PTPN13: variants seen among roughly 807,000 people sequenced by gnomAD.
PTPN13 encodes the protein tyrosine-protein phosphatase non-receptor type 13.
PTPN13 carries 191 observed loss-of-function variants against 284.0 expected under a neutral mutation model. That is an observed-to-expected ratio of 0.67 (90% CI 0.60 to 0.76). PTPN13 has a LOEUF of 0.76. Ranked by LOEUF, PTPN13 falls within the 30% of genes least tolerant of loss-of-function variation. The pLI is 0.00. For missense variants in PTPN13, 2,797 were observed against 2,939.9 expected, an observed-to-expected ratio of 0.95 and a Z score of 1.12; for synonymous variants, 986 against 1,022.3, an observed-to-expected ratio of 0.96 and a Z score of 0.68.
intron 6 of PTPN13, among the ~76,000 whole-genome samples, chr4:86,695,717 G>A (rs77353949): frequency 6.8e-6 from 1 of 147,858 alleles, no homozygotes; most frequent in Middle Eastern, 3.2e-3. Flanking sequence ...ATTTCTCTTT[G>A]TTATTCTTTC....
intron 20 of PTPN13, 134 bp from the exon 21 acceptor site, chr4:86,758,126 C>A: frequency 1.9e-6 from 1 of 528,734 alleles, no homozygotes; most frequent in African/African-American, 1.9e-5. Context: ...TTAACAGTAT[C>A]AGTAAACTTA....
In PTPN13 at chr4:86,732,452, T is replaced by C. The variant is rs572136372; in HGVS notation, c.1661T>C (p.Leu554Ser). The change falls in exon 11 of 48, where the codon TTG becomes TCG. Residue 554 changes from leucine (L) to serine (S), a missense_variant. Coordinates refer to ENST00000411767, the MANE Select transcript of PTPN13 (RefSeq NM_080683.3). ...VKMTIEPFIS[L>S]DLPRSILTKK... Reference sequence around the variant, plus strand: ...ATGACAATTGAACCATTTATATCTTTGGATTTGCCACGGTCTATTCTTGTA... The same window carrying C: ...ATGACAATTGAACCATTTATATCTTCGGATTTGCCACGGTCTATTCTTGTA... 13 of 1,602,338 alleles carry C rather than the reference T, an allele frequency of 8.1e-6. No individual in the cohort carries two copies. The highest frequency in any genetic ancestry group is 1.7e-5 in the Admixed American group (1 of 58,608).
chr4:86,745,896 A>G lies in PTPN13; in HGVS notation c.2650+768A>G, dbSNP rs78836411. ...GACAGGTGGCACTTGAATTGGATATAAAGGATAAAAATAATGCAAGTAGTT... is the reference window on the plus strand; with the variant it reads ...GACAGGTGGCACTTGAATTGGATATGAAGGATAAAAATAATGCAAGTAGTT... On this transcript the variant is annotated intron_variant, in intron 17 of 47. Transcript: ENST00000411767. Among the ~76,000 whole-genome samples the G allele has an allele frequency of 2.8e-4, 42 of 152,300 alleles. No homozygotes were observed. In the East Asian group the frequency reaches 5.8e-3, roughly 21 times the overall value.
chr4:86,655,335 A>G (rs946271142), intron 2 of PTPN13, among the ~76,000 whole-genome samples: 3 of 152,128 alleles, frequency 2.0e-5, no homozygotes, highest in Admixed American at 1.3e-4. Flanking sequence ...TCTTCCTAGC[A>G]TCGATGGTCT....
chr4:86,649,701 G>C (rs894673897), intron 2 of PTPN13, among the ~76,000 whole-genome samples: 1 of 152,006 alleles, frequency 6.6e-6, no homozygotes, highest in African/African-American at 2.4e-5. Context: ...GATTGCTCTG[G>C]CTATTCTGGG....
At chr4:86,605,610 A>T (rs777495450) in intron 1 of PTPN13, among the ~76,000 whole-genome samples, 1 of 151,916 alleles carries the variant, frequency 6.6e-6, no homozygotes, top group Non-Finnish European at 1.5e-5. Context: ...ATGTGGGCCT[A>T]TTGATGAATA....
intron 1 of PTPN13, among the ~76,000 whole-genome samples, chr4:86,619,880 T>G (rs540057624): frequency 1.3e-5 from 2 of 152,126 alleles, no homozygotes; most frequent in South Asian, 4.2e-4. Flanking sequence ...TAGAGACATG[T>G]CCCAAGCTTG....
chr4:86,722,291 C>A lies in PTPN13; in HGVS notation c.1465C>A (p.Gln489Lys), dbSNP rs774225639. ...MLKRQEEELM[Q>K]LQAKMALRQS... ...AAAACGGCAAGAGGAAGAACTGATG[C>A]AGCTACAAGCCAAAATGGCCCTTAG... is the stretch of plus-strand genomic sequence containing the variant. Residue 489 changes from glutamine to lysine, a missense_variant, in exon 10 of 48, where the codon CAG becomes AAG. Coordinates refer to ENST00000411767, the MANE Select transcript of PTPN13 (RefSeq NM_080683.3). 6.2e-7 allele frequency: 1 copy of A among 1,613,738 alleles called. No homozygotes were observed. The highest frequency in any genetic ancestry group is 2.2e-5 in the East Asian group (1 of 44,874).
At chr4:86,708,298 A>C (rs1256423054) in intron 7 of PTPN13, among the ~76,000 whole-genome samples, 1 of 152,036 alleles carries the variant, frequency 6.6e-6, no homozygotes, top group Non-Finnish European at 1.5e-5. Flanking sequence ...TGGCTTTAGA[A>C]CCATTTGGGA....
Position 86,762,938 on chromosome 4 carries a change from C to A in PTPN13, c.3765C>A (p.Ser1255Arg). ...SSQDSRTESA[S>R]LSQSQVNGFF... ...AAGATTCCAGGACTGAGAGTGCCAG[C>A]TTGTCTCAAAGCCAGGTCAATGGTT... Residue 1255 changes from serine to arginine, a missense_variant, in exon 24 of 48, where the codon AGC becomes AGA. Transcript: ENST00000411767. The A allele has an allele frequency of 6.2e-7, 1 of 1,613,922 alleles. No homozygotes were observed.
Position 86,609,654 on chromosome 4 carries a change from T to C in PTPN13, c.-6+14865T>C, listed in dbSNP as rs1204656125. Among the ~76,000 whole-genome samples, 6 of 152,194 alleles carry C rather than the reference T, an allele frequency of 3.9e-5. No homozygotes were observed. In the South Asian group the frequency reaches 6.2e-4, roughly 16 times the overall value. ...TTATTTTTTCTGCTTTTCTTTTTTT[T>C]CCTCAGATTACCTCATTAGTCAAAC... On this transcript the variant is annotated intron_variant, in intron 1 of 47. Transcript: ENST00000411767.
At chr4:86,797,508 A>G (rs1340579817) in intron 41 of PTPN13, among the ~76,000 whole-genome samples, 3 of 152,016 alleles carry the variant, frequency 2.0e-5, no homozygotes, top group African/African-American at 4.8e-5. Context: ...AAAAAGAAAG[A>G]AAAAAAGTTT....
intron 2 of PTPN13, among the ~76,000 whole-genome samples, chr4:86,646,324 A>T (rs1023822251): frequency 6.7e-6 from 1 of 148,336 alleles, no homozygotes. Flanking sequence ...TAAAGACAGA[A>T]TCTCCCTCTG....
At chr4:86,705,828 TAA>T (rs1178952087) in intron 7 of PTPN13, among the ~76,000 whole-genome samples, 2 of 143,464 alleles carry the variant, frequency 1.4e-5, no homozygotes, top group African/African-American at 2.6e-5. Flanking sequence ...ACATGTGACT[TAA>T]AAAAAAAAAA....
At chr4:86,725,091 G>C (rs1049887002) in intron 10 of PTPN13, among the ~76,000 whole-genome samples, 2 of 151,452 alleles carry the variant, frequency 1.3e-5, no homozygotes, top group African/African-American at 2.4e-5. Context: ...CCTTGTGATA[G>C]TTTGCTTAGA....
intron 2 of PTPN13, among the ~76,000 whole-genome samples, chr4:86,667,227 G>A (rs535470678): frequency 7.2e-5 from 11 of 152,238 alleles, no homozygotes; most frequent in South Asian, 6.2e-4. Flanking sequence ...AAAGTTCATA[G>A]GAGTTTAGTA....
intron 15 of PTPN13, among the ~76,000 whole-genome samples, chr4:86,739,264 A>G (rs1309440414): frequency 6.6e-6 from 1 of 152,182 alleles, no homozygotes; most frequent in African/African-American, 2.4e-5. Context: ...TTCCACATTA[A>G]ACTACATTGA....
chr4:86,772,995 ATTTTTT>A, intron 32 of PTPN13, 37 bp downstream of exon 32: 1 of 1,394,682 alleles, frequency 7.2e-7, no homozygotes, highest in Non-Finnish European at 9.5e-7. Context: ...AAAAATCCAT[ATTTTTT>A]AAAAGAAGGT....
Position 86,697,763 on chromosome 4 carries a change from C to T in PTPN13, c.635-3478C>T, listed in dbSNP as rs554647975. Among the ~76,000 whole-genome samples the T allele has an allele frequency of 3.9e-5, 6 of 152,110 alleles. No individual in the cohort carries two copies. The South Asian group carries it at 8.3e-4, about 21-fold the overall frequency. On this transcript the variant is annotated intron_variant, in intron 6 of 47. Coordinates refer to ENST00000411767, the MANE Select transcript of PTPN13 (RefSeq NM_080683.3). ...CTCTTTTAATATTGAAATGCCATTT[C>T]GAAGTTTACTTCTAAGAGATGTGAA...
Sources: allele counts gnomAD v4.1 joint callset (sites outside exome capture counted in the v4.1 genomes callset), GRCh38; gene constraint gnomAD v4.1.1; transcripts MANE v1.5; gene names NCBI Gene and HGNC (gene_info 2026-07-23, HGNC 2026-07-21).